The following CRYBG1 variants were observed in gnomAD, a reference collection of about 807,000 sequenced individuals.
CRYBG1 encodes beta/gamma crystallin domain-containing protein 1.
CRYBG1 carries 139 observed loss-of-function variants against 189.2 expected under a neutral mutation model. The observed-to-expected ratio is 0.73, with a 90% confidence interval of 0.64 to 0.85. The LOEUF (loss-of-function observed/expected upper bound fraction) is 0.85, where lower values mean the gene tolerates loss of function less well. Ranked by LOEUF, CRYBG1 falls within the 40% of genes least tolerant of loss-of-function variation. CRYBG1 has a pLI of 0.00. For synonymous variants in CRYBG1, 1,023 were observed against 1,017.1 expected (o/e 1.01, Z -0.11); for missense variants, 2,611 against 2,675.8 (o/e 0.98, Z 0.53).
Position 106,422,321 on chromosome 6 carries a change from G to GTTATTTATTTATTTATTTATTTAT in CRYBG1, c.174-29370_174-29347dup, listed in dbSNP as rs10526546. Among the ~76,000 whole-genome samples the GTTATTTATTTATTTATTTATTTAT allele has an allele frequency of 6.9e-3, 983 of 142,502 alleles. 12 individuals are homozygous for GTTATTTATTTATTTATTTATTTAT. The highest frequency in any genetic ancestry group is 0.024 in the African/African-American group (888 of 37,328). The allele number at this position is 142,502 out of a possible 152,430, so 93.5% of individuals were successfully genotyped here. On this transcript the variant is annotated intron_variant, in intron 1 of 21. Coordinates refer to ENST00000633556, the MANE Select transcript of CRYBG1 (RefSeq NM_001371242.2). The stretch of plus-strand genomic sequence containing the variant: ...CTAATCAAAATCCCAATAGGGTTTT[G>GTTATTTATTTATTTATTTATTTAT]TTATTTATTTATTTATTTATTTATT...
chr6:106,471,916 G>A (rs1772241210), intron 2 of CRYBG1, among the ~76,000 whole-genome samples: 1 of 152,100 alleles, frequency 6.6e-6, no homozygotes, highest in Non-Finnish European at 1.5e-5. Context: ...TCTTATTTAG[G>A]GAGATAAGTT....
At chr6:106,386,678 T>C (rs969105569) in intron 1 of CRYBG1, among the ~76,000 whole-genome samples, 1 of 141,388 alleles carries the variant, frequency 7.1e-6, no homozygotes, top group African/African-American at 2.7e-5. Flanking sequence ...CAGTTCACAA[T>C]AGGGGTCACA....
At chr6:106,362,555 A>C (rs1771900741) in intron 1 of CRYBG1, among the ~76,000 whole-genome samples, 1 of 152,198 alleles carries the variant, frequency 6.6e-6, no homozygotes, top group South Asian at 2.1e-4. Context: ...CACTGTGCAC[A>C]TCACCAGCAC....
chr6:106,531,252 A>G (rs1310983849), intron 8 of CRYBG1, among the ~76,000 whole-genome samples: 1 of 152,252 alleles, frequency 6.6e-6, no homozygotes, highest in African/African-American at 2.4e-5. Flanking sequence ...AGGTAGGAAT[A>G]GGATAAATTA....
rs768352761 is a variant in CRYBG1, at chr6:106,539,516, G to A, written c.4832G>A (p.Arg1611Gln). 9.3e-6 allele frequency: 15 copies of A among 1,609,534 alleles called. 1 individual carries two copies. Among genetic ancestry groups the A allele is most frequent in the African/African-American group, 5.4e-5 (4 of 74,556 alleles). ...DTEEAYIGSM[R>Q]PLKMGGRKVE... ...GAAGAAGCGTACATTGGATCCATGC[G>A]GCCTCTGAAAATGGTAAAAATGAAA... The change falls in exon 9 of 22, where the codon CGG (arginine) becomes CAG (glutamine). Residue 1611 changes from arginine (R) to glutamine (Q), a missense_variant. Arg to Gln is a conservative substitution (Grantham distance 43). Transcript: ENST00000633556.
chr6:106,504,631 T>C (rs189627814), intron 2 of CRYBG1, among the ~76,000 whole-genome samples: 80 of 152,258 alleles, frequency 5.3e-4, no homozygotes, highest in South Asian at 2.3e-3. Context: ...CTTTATTCTT[T>C]TTGCTGTGCG....
intron 1 of CRYBG1, among the ~76,000 whole-genome samples, chr6:106,373,751 A>T (rs1770090892): frequency 6.6e-6 from 1 of 152,184 alleles, no homozygotes; most frequent in South Asian, 2.1e-4. Context: ...TGGTATTTAG[A>T]TTACATGTTG....
chr6:106,548,866 T>A (rs1410264428), intron 13 of CRYBG1, among the ~76,000 whole-genome samples: 4 of 150,868 alleles, frequency 2.7e-5, no homozygotes, highest in African/African-American at 7.3e-5. Flanking sequence ...TAGCATTAGG[T>A]ATATCTCCTA....
intron 1 of CRYBG1, among the ~76,000 whole-genome samples, chr6:106,414,668 A>G (rs1770989776): frequency 6.6e-6 from 1 of 152,214 alleles, no homozygotes; most frequent in African/African-American, 2.4e-5. Flanking sequence ...GGCAATGTTA[A>G]GTATGCTGCA....
intron 2 of CRYBG1, among the ~76,000 whole-genome samples, chr6:106,501,783 A>G (rs2114510432): frequency 6.6e-6 from 1 of 152,354 alleles, no homozygotes; most frequent in African/African-American, 2.4e-5. Context: ...AAAGTCAACA[A>G]TTCTCACTAG....
chr6:106,558,130 T>A (rs1484707821), intron 17 of CRYBG1, among the ~76,000 whole-genome samples: 1 of 148,736 alleles, frequency 6.7e-6, no homozygotes, highest in South Asian at 2.2e-4. Context: ...TTGGCAATTA[T>A]GTCCATGACT....
intron 2 of CRYBG1, among the ~76,000 whole-genome samples, chr6:106,465,367 T>A (rs1016595165): frequency 6.6e-6 from 1 of 152,230 alleles, no homozygotes; most frequent in Non-Finnish European, 1.5e-5. Context: ...ATTCATCCTT[T>A]CTGGGCATCA....
At chr6:106,416,185 C>T (rs1355316458) in intron 1 of CRYBG1, among the ~76,000 whole-genome samples, 2 of 152,216 alleles carry the variant, frequency 1.3e-5, no homozygotes, top group South Asian at 2.1e-4. Context: ...GATTCCAGAA[C>T]ATACTGGCCA....
intron 1 of CRYBG1, among the ~76,000 whole-genome samples, chr6:106,400,179 C>T (rs992813269): frequency 2.0e-5 from 3 of 149,912 alleles, no homozygotes; most frequent in Admixed American, 6.7e-5. Context: ...AAGGTCTCCC[C>T]ATGTTGCTCA....
At chr6:106,522,695 C>T (rs906482719) in intron 4 of CRYBG1, among the ~76,000 whole-genome samples, 1 of 152,170 alleles carries the variant, frequency 6.6e-6, no homozygotes, top group African/African-American at 2.4e-5. Flanking sequence ...CTCAATCCAA[C>T]ACAGTTTATC....
intron 2 of CRYBG1, among the ~76,000 whole-genome samples, chr6:106,504,047 A>C (rs1773072424): frequency 7.1e-6 from 1 of 141,584 alleles, no homozygotes. Flanking sequence ...AAAAAAAAAA[A>C]ACCACAACCA....
At chr6:106,532,874 A>T (rs6928187) in intron 8 of CRYBG1, among the ~76,000 whole-genome samples, 103,761 of 151,982 alleles carry the variant, frequency 0.68, 36,160 homozygotes, top group South Asian at 0.84. Flanking sequence ...AGAAATTGGG[A>T]CTTTAACAAA....
intron 16 of CRYBG1, among the ~76,000 whole-genome samples, chr6:106,555,522 G>C (rs918854224): frequency 6.6e-6 from 1 of 152,220 alleles, no homozygotes; most frequent in Admixed American, 6.5e-5. Flanking sequence ...GGAGGCTGGG[G>C]AAGTCAGAAA....
intron 18 of CRYBG1, 82 bp downstream of exon 18, chr6:106,558,707 AT>A: frequency 8.5e-7 from 1 of 1,172,002 alleles, no homozygotes; most frequent in Non-Finnish European, 1.2e-6. Flanking sequence ...TCACGCCTGT[AT>A]TCCCAACACT....
Sources: gnomAD v4.1 joint callset for allele counts (sites outside exome capture counted in the v4.1 genomes callset) on GRCh38, gnomAD v4.1.1 for gene constraint, MANE v1.5 for transcripts, NCBI Gene and HGNC (gene_info 2026-07-23, HGNC 2026-07-21) for gene names.